The following SNTB1 variants were observed in gnomAD, a reference collection of about 807,000 sequenced individuals.
The protein encoded by SNTB1 is syntrophin beta 1, also known as beta-1-syntrophin.
In SNTB1, 36 loss-of-function variants were observed where a neutral mutation model predicts 48.9. The ratio of observed to expected loss-of-function variants is 0.74; its 90% CI spans 0.56 to 0.97. SNTB1 has a LOEUF of 0.97. Among genes scored for constraint, SNTB1 ranks in the 50% least tolerant of loss-of-function variants. SNTB1 has a pLI of 0.00. For synonymous variants in SNTB1, 299 were observed against 294.6 expected, an observed-to-expected ratio of 1.01 and a Z score of -0.15; for missense variants, 786 against 703.4, an observed-to-expected ratio of 1.12 and a Z score of -1.33.
At chr8:120,637,043 A>T (rs1158831908) in intron 2 of SNTB1, 1 of 371,168 alleles carries the variant, frequency 2.7e-6, no homozygotes, top group African/African-American at 2.2e-5. Flanking sequence ...TAAGTAACTG[A>T]ACAACATTTC....
At chr8:120,542,959 G>T (rs535176917) in intron 5 of SNTB1, among the ~76,000 whole-genome samples, 1 of 152,096 alleles carries the variant, frequency 6.6e-6, no homozygotes, top group Non-Finnish European at 1.5e-5. Flanking sequence ...CTCAGATGTG[G>T]CATCTTCCAT....
At chr8:120,570,746 A>C (rs72680553) in intron 4 of SNTB1, 33,190 of 153,900 alleles carry the variant, frequency 0.22, 3,793 homozygotes, top group Middle Eastern at 0.3. Context: ...GTGGTGCTCT[A>C]ACTGGGCCAT....
intron 1 of SNTB1, among the ~76,000 whole-genome samples, chr8:120,702,136 T>C (rs1316037566): frequency 6.6e-6 from 1 of 152,194 alleles, no homozygotes; most frequent in Non-Finnish European, 1.5e-5. Context: ...CCCTGAGTAT[T>C]GGAATAGTCA....
At chr8:120,565,956 C>A (rs1815741973) in intron 4 of SNTB1, among the ~76,000 whole-genome samples, 1 of 152,144 alleles carries the variant, frequency 6.6e-6, no homozygotes, top group Admixed American at 6.5e-5. Context: ...CGCCTGTAAT[C>A]TCAGCACTTT....
At chr8:120,691,879 T>C (rs1818133746) in intron 2 of SNTB1, among the ~76,000 whole-genome samples, 1 of 152,224 alleles carries the variant, frequency 6.6e-6, no homozygotes, top group Non-Finnish European at 1.5e-5. Flanking sequence ...CTGAAAACTT[T>C]GACATCAGAT....
At chr8:120,603,335 AGT>A in intron 3 of SNTB1, among the ~76,000 whole-genome samples, 1 of 152,162 alleles carries the variant, frequency 6.6e-6, no homozygotes, top group Non-Finnish European at 1.5e-5. Context: ...CCTGGCCTCA[AGT>A]GATCCACCCG....
chr8:120,778,791 T>C (rs1013918549), intron 1 of SNTB1, among the ~76,000 whole-genome samples: 1 of 152,092 alleles, frequency 6.6e-6, no homozygotes, highest in Non-Finnish European at 1.5e-5. Flanking sequence ...TGTCTCAGAA[T>C]CACAAGTTGA....
chr8:120,694,573 T>TTATA (rs533402483), intron 1 of SNTB1, among the ~76,000 whole-genome samples: 14 of 151,110 alleles, frequency 9.3e-5, no homozygotes, highest in African/African-American at 2.9e-4. Flanking sequence ...CATTAATTCT[T>TTATA]TATATATATA....
intron 4 of SNTB1, among the ~76,000 whole-genome samples, chr8:120,565,574 G>A (rs1815735661): frequency 6.6e-6 from 1 of 152,314 alleles, no homozygotes; most frequent in Middle Eastern, 3.4e-3. Context: ...GAAAATGCTA[G>A]AAGGTCATCT....
chr8:120,798,376 A>G (rs956989975), intron 1 of SNTB1, among the ~76,000 whole-genome samples: 3 of 151,980 alleles, frequency 2.0e-5, no homozygotes, highest in Admixed American at 2.0e-4. Context: ...CCTCCAGAAA[A>G]CACTTGTCAA....
At chr8:120,640,013 T>C (rs1372545350) in intron 2 of SNTB1, among the ~76,000 whole-genome samples, 1 of 152,008 alleles carries the variant, frequency 6.6e-6, no homozygotes, top group Non-Finnish European at 1.5e-5. Context: ...TCCATGAGCA[T>C]GGAATGTTCT....
intron 1 of SNTB1, among the ~76,000 whole-genome samples, chr8:120,734,213 G>A (rs1467399600): frequency 6.6e-6 from 1 of 152,186 alleles, no homozygotes; most frequent in Non-Finnish European, 1.5e-5. Context: ...GGAGGCCGAG[G>A]TGGGCAGATC....
chr8:120,723,104 C>G (rs931612365), intron 1 of SNTB1, among the ~76,000 whole-genome samples: 1 of 152,158 alleles, frequency 6.6e-6, no homozygotes, highest in Non-Finnish European at 1.5e-5. Context: ...GTCCTCTGTT[C>G]TGTTCCAATG....
intron 4 of SNTB1, among the ~76,000 whole-genome samples, chr8:120,557,841 A>T (rs1815591166): frequency 6.6e-6 from 1 of 152,232 alleles, no homozygotes; most frequent in Non-Finnish European, 1.5e-5. Flanking sequence ...ATGTGAATTC[A>T]GTTTTGCAAA....
In SNTB1 at chr8:120,585,203, C is replaced by T. The variant is rs537775412; in HGVS notation, c.997-9978G>A. On this transcript the variant is annotated intron_variant, in intron 3 of 6. Coordinates refer to ENST00000517992, the MANE Select transcript of SNTB1 (RefSeq NM_021021.4). ...TTATCCCCATTTACAGAAGAAGAAA[C>T]TGTGGTTCTGAGAGGTTATATCCTG... Among the ~76,000 whole-genome samples the T allele has an allele frequency of 2.6e-5, 4 of 152,190 alleles. No individual in the cohort carries two copies. In the South Asian group the frequency reaches 8.3e-4, roughly 32 times the overall value.
At position 120,614,605 on chromosome 8, in the gene SNTB1, G is replaced by A. The variant is rs900237815; in HGVS notation, c.996+17839C>T. 3.3e-5 allele frequency among the ~76,000 whole-genome samples: 5 copies of A among 152,196 alleles called. No homozygotes were observed. The South Asian group carries it at 6.2e-4, about 19-fold the overall frequency. ...CCTGTGGTCAATGCCACATGGCCAC[G>A]CCTGGAGGTCTTAAATCTACTGTTA... is the stretch of plus-strand genomic sequence containing the variant. On this transcript the variant is annotated intron_variant, in intron 3 of 6. Coordinates refer to ENST00000517992, the MANE Select transcript of SNTB1 (RefSeq NM_021021.4).
intron 2 of SNTB1, among the ~76,000 whole-genome samples, chr8:120,635,080 A>G (rs1158138521): frequency 6.6e-6 from 1 of 152,092 alleles, no homozygotes; most frequent in Non-Finnish European, 1.5e-5. Context: ...TATTCTTTTT[A>G]AGGAATTTGC....
intron 3 of SNTB1, among the ~76,000 whole-genome samples, chr8:120,597,212 A>G (rs1338017342): frequency 6.6e-6 from 1 of 152,242 alleles, no homozygotes; most frequent in African/African-American, 2.4e-5. Context: ...TGGAAGATGC[A>G]AGAAATAGAT....
intron 1 of SNTB1, among the ~76,000 whole-genome samples, chr8:120,719,930 G>A (rs1220592770): frequency 2.6e-5 from 4 of 152,272 alleles, no homozygotes; most frequent in East Asian, 1.9e-4. Context: ...AAAAAGCCTC[G>A]CCTTCCTATT....
Sources: allele counts gnomAD v4.1 joint callset (sites outside exome capture counted in the v4.1 genomes callset), GRCh38; gene constraint gnomAD v4.1.1; transcripts MANE v1.5; gene names NCBI Gene and HGNC (gene_info 2026-07-23, HGNC 2026-07-21).